The following MTAP variants were observed in gnomAD, a reference collection of about 807,000 sequenced individuals.
The protein encoded by MTAP is methylthioadenosine phosphorylase.
In MTAP, 33 loss-of-function variants were observed where a neutral mutation model predicts 33.6. That is an observed-to-expected ratio of 0.98 (90% CI 0.74 to 1.31). The LOEUF (loss-of-function observed/expected upper bound fraction) is 1.31, where lower values mean the gene tolerates loss of function less well. MTAP is among the 40% of genes most tolerant of loss of function. MTAP has a pLI of 0.00. For synonymous variants in MTAP, 148 were observed against 125.7 expected (o/e 1.18, Z -1.19); for missense variants, 367 against 360.0 (o/e 1.02, Z -0.16).
chr9:21,837,222 G>C (rs762554393), intron 4 of MTAP, among the ~76,000 whole-genome samples: 1 of 152,110 alleles, frequency 6.6e-6, no homozygotes, highest in Non-Finnish European at 1.5e-5. Flanking sequence ...ATGAGGCAGC[G>C]AACAAAGATT....
intron 1 of MTAP, chr9:21,930,779 A>G: frequency 1.4e-6 from 1 of 720,508 alleles, no homozygotes; most frequent in Non-Finnish European, 2.4e-6. Flanking sequence ...GCTTTTGGGT[A>G]AATCAATCAG....
At chr9:21,936,710 A>G (rs190492737) in exon 8 of MTAP, 3 of 152,308 alleles carry the variant, frequency 2.0e-5, no homozygotes, top group East Asian at 3.9e-4. Context: ...ATAACCGTTC[A>G]CAATTTCTTA....
In MTAP at chr9:21,859,322, T is replaced by C; in HGVS notation, c.710T>C (p.Leu237Ser). ...CTCTAGGTTTCGGTGGACCGGGTCT[T>C]AAAGACCCTGAAAGAAAACGCTAAT... Reference protein sequence around the residue: ...HEEAVSVDRVLKTLKENANKA... With the variant: ...HEEAVSVDRVSKTLKENANKA... The change falls in exon 7 of 8, where the codon TTA (leucine) becomes TCA (serine). Residue 237 changes from leucine (L) to serine (S), a missense_variant. By Grantham distance (145) the Leu-to-Ser change is moderately radical. Coordinates refer to ENST00000644715, the MANE Select transcript of MTAP (RefSeq NM_002451.4). 6.2e-7 allele frequency: 1 copy of C among 1,612,926 alleles called. No individual in the cohort carries two copies. Among genetic ancestry groups the C allele is most frequent in the Non-Finnish European group, 8.5e-7 (1 of 1,179,518 alleles).
At chr9:21,836,002 C>T (rs377639482) in intron 4 of MTAP, among the ~76,000 whole-genome samples, 1 of 152,096 alleles carries the variant, frequency 6.6e-6, no homozygotes, top group Admixed American at 6.6e-5. Context: ...GCTTCTCCCC[C>T]AGGGCTACCC....
At chr9:21,881,906 C>CAA (rs1486731101) in intron 1 of MTAP, among the ~76,000 whole-genome samples, 6 of 151,808 alleles carry the variant, frequency 4.0e-5, no homozygotes, top group African/African-American at 1.5e-4. Context: ...AGCAGGATCT[C>CAA]AAAGAAATTT....
intron 1 of MTAP, among the ~76,000 whole-genome samples, chr9:21,891,566 A>G (rs565118672): frequency 2.8e-4 from 43 of 152,342 alleles, no homozygotes; most frequent in Non-Finnish European, 5.4e-4. Flanking sequence ...CAGTTCTTCA[A>G]ATCAACTCAG....
downstream of MTAP, chr9:21,933,316 C>G (rs1365118911): frequency 6.6e-6 from 1 of 152,170 alleles, no homozygotes; most frequent in Non-Finnish European, 1.5e-5. Flanking sequence ...AAATTTATAT[C>G]TACAAAGGAA....
At chr9:21,802,916 C>G in intron 1 of MTAP, 135 bp downstream of exon 1, 2 of 1,446,744 alleles carry the variant, frequency 1.4e-6, no homozygotes, top group Middle Eastern at 2.5e-4. Flanking sequence ...GACTGGGGCG[C>G]GGCACTCGGG....
chr9:21,865,360 TG>T lies in MTAP; in HGVS notation c.*3347del. 1.2e-6 allele frequency: 1 copy of T among 847,920 alleles called. No homozygotes were observed. Among genetic ancestry groups the T allele is most frequent in the Non-Finnish European group, 1.4e-6 (1 of 704,564 alleles). 52.5% of individuals were successfully genotyped at this position (847,920 alleles called of 1,614,324 possible). On this transcript the variant is annotated 3_prime_UTR_variant, in exon 8 of 8. Coordinates refer to ENST00000644715, the MANE Select transcript of MTAP (RefSeq NM_002451.4). ...TGAGGCCTTCCCAGCTATGTGGAAC[TG>T]TGAGTTAATTAAACCTCTTTCCTTT...
chr9:21,829,261 A>G (rs1285959026), intron 4 of MTAP, among the ~76,000 whole-genome samples: 1 of 152,186 alleles, frequency 6.6e-6, no homozygotes, highest in East Asian at 1.9e-4. Flanking sequence ...CCCGTGGATT[A>G]TAGAATTCCA....
At chr9:21,836,361 T>C (rs1563840489) in intron 4 of MTAP, among the ~76,000 whole-genome samples, 1 of 152,134 alleles carries the variant, frequency 6.6e-6, no homozygotes, top group Non-Finnish European at 1.5e-5. Context: ...ATGTTATTCT[T>C]AAGGTTAAAA....
chr9:21,938,962 C>T (rs1819088664), downstream of MTAP, among the ~76,000 whole-genome samples: 1 of 152,182 alleles, frequency 6.6e-6, no homozygotes, highest in African/African-American at 2.4e-5. Context: ...TATGGTTTGG[C>T]TGTGTCCCTA....
intron 1 of MTAP, among the ~76,000 whole-genome samples, chr9:21,906,883 C>T (rs989215858): frequency 6.6e-6 from 1 of 151,898 alleles, no homozygotes; most frequent in South Asian, 2.1e-4. Flanking sequence ...ATGCTTTTTG[C>T]CAAGAAAAAA....
rs1825393571 is a variant in MTAP at position 21,846,724 on chromosome 9, T to C, written c.451-7907T>C. Among the ~76,000 whole-genome samples, 3 of 152,176 alleles carry C rather than the reference T, an allele frequency of 2.0e-5. No individual in the cohort carries two copies. The South Asian group carries it at 6.2e-4, about 32-fold the overall frequency. On this transcript the variant is annotated intron_variant, in intron 5 of 7. Transcript: ENST00000644715. ...CTACCATGTGATCCAGCAATCCCAC[T>C]CCTATGCGTCTACCCAGAGGAAAAT...
chr9:21,838,879 C>A (rs1389275920), intron 5 of MTAP, among the ~76,000 whole-genome samples: 1 of 152,200 alleles, frequency 6.6e-6, no homozygotes, highest in African/African-American at 2.4e-5. Flanking sequence ...TATGAGTTAA[C>A]TTAGAGAATA....
At chr9:21,868,748 C>T (rs145023920), downstream of MTAP, among the ~76,000 whole-genome samples, 546 of 152,258 alleles carry the variant, frequency 3.6e-3, 4 homozygotes, top group African/African-American at 0.012. Context: ...ACTTTCAAGA[C>T]CCCCCTCTGC....
chr9:21,821,115 C>T (rs184528215), intron 4 of MTAP, among the ~76,000 whole-genome samples: 79 of 152,260 alleles, frequency 5.2e-4, no homozygotes, highest in Admixed American at 4.6e-3. Flanking sequence ...ATACCCTTTA[C>T]ATCTTTCTCC....
chr9:21,915,047 CCTTCCTTCCTTTCTTT>C (rs1310156868), intron 1 of MTAP, among the ~76,000 whole-genome samples: 32 of 62,048 alleles, frequency 5.2e-4, no homozygotes, highest in Middle Eastern at 7.2e-3. Flanking sequence ...TTCCTTCCTT[CCTTCCTTCCTTTCTTT>C]CTTTCTTTCT....
rs1826005140 is a variant in MTAP, at chr9:21,876,142, A to G, written c.147+21272A>G. On this transcript the variant is annotated intron_variant, in intron 1 of 1. Coordinates refer to the MTAP transcript ENST00000577563. ...GATCAGTGATATCACGCTTTTTTAA[A>G]GTATGATTGTTGGCCACATGTATGT... Among the ~76,000 whole-genome samples the G allele has an allele frequency of 2.6e-5, 4 of 152,070 alleles. No individual in the cohort carries two copies. The South Asian group carries it at 8.3e-4, about 32-fold the overall frequency.
Sources: gnomAD v4.1 joint callset for allele counts (sites outside exome capture counted in the v4.1 genomes callset) on GRCh38, gnomAD v4.1.1 for gene constraint, MANE v1.5 for transcripts, NCBI Gene and HGNC (gene_info 2026-07-23, HGNC 2026-07-21) for gene names.